SH3GLB2: variants seen among roughly 807,000 people sequenced by gnomAD.
SH3GLB2 encodes the protein SH3 domain containing GRB2 like, endophilin B2, also known as endophilin-B2.
Under a neutral mutation model 48.0 loss-of-function variants are expected in SH3GLB2, and 24 were observed. That is an observed-to-expected ratio of 0.50 (90% CI 0.36 to 0.70). SH3GLB2 has a LOEUF of 0.70. SH3GLB2 is among the 30% of genes least tolerant of loss of function. The pLI is 0.00. For synonymous variants in SH3GLB2, 227 were observed against 207.6 expected (o/e 1.09, Z -0.80); for missense variants, 425 against 516.0 (o/e 0.82, Z 1.71).
At chr9:129,025,653 G>GGAAGGAA (rs1455411490) in intron 1 of SH3GLB2, among the ~76,000 whole-genome samples, 3 of 151,584 alleles carry the variant, frequency 2.0e-5, no homozygotes, top group Non-Finnish European at 2.9e-5. Flanking sequence ...CAGGCAGGCA[G>GGAAGGAA]GCCTCCCTCA....
At chr9:129,020,342 G>GCGGAT (rs1020986534) in intron 3 of SH3GLB2, among the ~76,000 whole-genome samples, 1 of 151,846 alleles carries the variant, frequency 6.6e-6, no homozygotes, top group Non-Finnish European at 1.5e-5. Context: ...GCTGAGGCAG[G>GCGGAT]CGGATCACTT....
chr9:129,021,624 G>C (rs574462998), intron 2 of SH3GLB2, among the ~76,000 whole-genome samples: 1 of 151,172 alleles, frequency 6.6e-6, no homozygotes, highest in African/African-American at 2.4e-5. Flanking sequence ...GGTGTGCTCC[G>C]GGCAGTCCCT....
chr9:129,009,306 G>A lies in SH3GLB2; in HGVS notation c.880C>T (p.Pro294Ser). ...GTGGGTGAGGTGCTGCTCAGGGGTGGGGAGGCGGGCTCTGTGGTGCCCACG... is the reference window on the plus strand; with the variant it reads ...GTGGGTGAGGTGCTGCTCAGGGGTGAGGAGGCGGGCTCTGTGGTGCCCACG... ...TFVGTTEPAS[P>S]PLSSTSPTTA... is the part of the protein sequence containing the mutation. The change falls in exon 10 of 11, where the codon CCA becomes TCA. Residue 294 changes from proline to serine, a missense_variant. Transcript: ENST00000372564. 1 of 1,546,768 alleles carries A rather than the reference G, an allele frequency of 6.5e-7. No homozygotes were observed. Among genetic ancestry groups the A allele is most frequent in the African/African-American group, 1.4e-5 (1 of 73,436 alleles).
At chr9:129,010,428 C>T (rs1037520018) in intron 7 of SH3GLB2, 26 of 638,420 alleles carry the variant, frequency 4.1e-5, no homozygotes, top group Non-Finnish European at 6.7e-5. Context: ...ACCCTTCCTC[C>T]ATCACCCATC....
intron 3 of SH3GLB2, among the ~76,000 whole-genome samples, chr9:129,016,590 G>A (rs1843437835): frequency 6.6e-6 from 1 of 151,580 alleles, no homozygotes; most frequent in Admixed American, 6.6e-5. Context: ...ACCGGGAGGT[G>A]GAGGTCGCAG....
At chr9:129,015,280 T>C (rs548134751) in intron 3 of SH3GLB2, among the ~76,000 whole-genome samples, 2 of 152,250 alleles carry the variant, frequency 1.3e-5, no homozygotes, top group Non-Finnish European at 2.9e-5. Flanking sequence ...GAGGATCACT[T>C]GAGCTCGGCA....
At chr9:129,022,496 G>T in intron 1 of SH3GLB2, 73 bp from the exon 2 acceptor site, 1 of 1,396,822 alleles carries the variant, frequency 7.2e-7, no homozygotes, top group East Asian at 2.4e-5. Context: ...GTGGGGAAAG[G>T]GAGGACTGCC....
chr9:129,015,388 C>G (rs78494589), intron 3 of SH3GLB2, among the ~76,000 whole-genome samples: 2 of 152,076 alleles, frequency 1.3e-5, no homozygotes, highest in African/African-American at 4.8e-5. Flanking sequence ...ACATCCATTT[C>G]TGGACTCTGC....
intron 3 of SH3GLB2, among the ~76,000 whole-genome samples, chr9:129,020,446 G>A (rs2131284120): frequency 6.6e-6 from 1 of 151,612 alleles, no homozygotes; most frequent in African/African-American, 2.4e-5. Flanking sequence ...GCGGGCTCCT[G>A]TAGTCCCAGC....
chr9:129,024,354 G>A (rs1018702334), intron 1 of SH3GLB2, among the ~76,000 whole-genome samples: 37 of 151,670 alleles, frequency 2.4e-4, no homozygotes, highest in African/African-American at 8.0e-4. Flanking sequence ...GAGGTCAGGA[G>A]ATCGAGACCA....
At chr9:129,010,894 C>T in intron 6 of SH3GLB2, 1 of 615,468 alleles carries the variant, frequency 1.6e-6, no homozygotes, top group Admixed American at 3.0e-5. Context: ...TCTAACATGC[C>T]TCATGCAGGA....
rs1441445117 is a variant in SH3GLB2, at chr9:129,010,708, G to A, written c.625-15C>T. 1.2e-6 allele frequency: 2 copies of A among 1,613,816 alleles called. No homozygotes were observed. Among genetic ancestry groups the A allele is most frequent in the East Asian group, 2.2e-5 (1 of 44,870 alleles). On this transcript the variant is annotated splice_polypyrimidine_tract_variant and intron_variant, in intron 6 of 10. Coordinates refer to ENST00000372564, the MANE Select transcript of SH3GLB2 (RefSeq NM_020145.4). ...TCATTCCAGAGCTGTGGAGACGGCA[G>A]CAGGAGTGGCCAGCAGGGGAGGGGA...
chr9:129,014,976 A>G lies in SH3GLB2; in HGVS notation c.335-72T>C. On this transcript the variant is annotated intron_variant, in intron 3 of 10. Coordinates refer to ENST00000372564, the MANE Select transcript of SH3GLB2 (RefSeq NM_020145.4). The surrounding 1 kb of genome is among the most constrained non-coding windows in gnomAD (Gnocchi z 4.1). ...TACTCTGATCTACAGGAGAGGGCTC[A>G]GGAAGAGCTTGCTGAAGAGCAAGGG... is the stretch of plus-strand genomic sequence containing the variant. The G allele has an allele frequency of 1.3e-6, 2 of 1,549,908 alleles. No individual in the cohort carries two copies. The highest frequency in any genetic ancestry group is 1.7e-6 in the Non-Finnish European group (2 of 1,150,126).
At position 129,022,330 on chromosome 9, in the gene SH3GLB2, T is replaced by C; in HGVS notation, c.157A>G (p.Thr53Ala). 1.2e-6 allele frequency: 2 copies of C among 1,614,138 alleles called. No individual in the cohort carries two copies. Among genetic ancestry groups the C allele is most frequent in the Non-Finnish European group, 1.7e-6 (2 of 1,180,032 alleles). The change falls in exon 2 of 11, where the codon ACA (threonine) becomes GCA (alanine). Residue 53 changes from threonine to alanine, a missense_variant. Transcript: ENST00000372564. ...TCTGTCTGCCTCAAGATCTTCTCTGTCCAGTTCTTGGTGCTGTCTGCCCGG... is the reference window on the plus strand; with the variant it reads ...TCTGTCTGCCTCAAGATCTTCTCTGCCCAGTTCTTGGTGCTGTCTGCCCGG... ...LARADSTKNW[T>A]EKILRQTEVL...
chr9:129,017,371 A>T (rs1843492904), intron 3 of SH3GLB2, among the ~76,000 whole-genome samples: 2 of 152,216 alleles, frequency 1.3e-5, no homozygotes, highest in African/African-American at 4.8e-5. Context: ...CCTCAACAGC[A>T]TAATATCACA....
intron 3 of SH3GLB2, among the ~76,000 whole-genome samples, chr9:129,016,842 A>G (rs745827901): frequency 2.6e-5 from 4 of 152,254 alleles, no homozygotes; most frequent in Non-Finnish European, 4.4e-5. Flanking sequence ...AAGATGCACA[A>G]ATATAAACAT....
chr9:129,018,388 C>T (rs200115624), intron 3 of SH3GLB2, among the ~76,000 whole-genome samples: 120 of 151,504 alleles, frequency 7.9e-4, no homozygotes, highest in Middle Eastern at 3.4e-3. Flanking sequence ...CCAGCCTGGC[C>T]AACATGGTGA....
At chr9:129,010,639 C>T (rs968446947) in intron 7 of SH3GLB2, 31 bp downstream of exon 7, 10 of 1,613,444 alleles carry the variant, frequency 6.2e-6, no homozygotes, top group Admixed American at 1.7e-5. Context: ...CCCCTTCTTC[C>T]TCGAGCCCAG....
intron 2 of SH3GLB2, among the ~76,000 whole-genome samples, 197 bp from the exon 3 acceptor site, chr9:129,021,416 C>T (rs1015348173): frequency 2.6e-5 from 4 of 152,302 alleles, no homozygotes; most frequent in Middle Eastern, 3.4e-3. Flanking sequence ...AGGGCCCGTC[C>T]ACTTCTCCCT....
Sources: allele counts gnomAD v4.1 joint callset (sites outside exome capture counted in the v4.1 genomes callset), GRCh38; gene constraint gnomAD v4.1.1; non-coding constraint Gnocchi (gnomAD v3.1); transcripts MANE v1.5; gene names NCBI Gene and HGNC (gene_info 2026-07-23, HGNC 2026-07-21).